DOCK5: variants seen among roughly 807,000 people sequenced by gnomAD.
DOCK5 encodes dedicator of cytokinesis 5, also known as dedicator of cytokinesis protein 5.
In DOCK5, 142 loss-of-function variants were observed where a neutral mutation model predicts 251.8. The observed-to-expected ratio is 0.56, with a 90% CI of 0.49 to 0.65. DOCK5 has a LOEUF of 0.65. DOCK5 is among the 30% of genes least tolerant of loss of function. The pLI is 0.00. For missense variants in DOCK5, 2,111 were observed against 2,312.3 expected, an observed-to-expected ratio of 0.91 and a Z score of 1.79; for synonymous variants, 842 against 835.5, an observed-to-expected ratio of 1.01 and a Z score of -0.13.
At position 25,271,165 on chromosome 8, in the gene DOCK5, T is replaced by TG. The variant is rs869273953; in HGVS notation, c.168+2280_168+2281insG. On this transcript the variant is annotated intron_variant, in intron 3 of 51. Coordinates refer to ENST00000276440, the MANE Select transcript of DOCK5 (RefSeq NM_024940.8). ...CAGGATCTAAATGATAAATTCTGGA[T>TG]TTTTTTTAAATTTTTTTGTGTTCAT... 4.1e-5 allele frequency: 4 copies of TG among 97,498 alleles called. No homozygotes were observed. In the Admixed American group the frequency reaches 6.9e-4, roughly 17 times the overall value. The allele number at this position is 97,498 out of a possible 1,614,324, so 6.0% of individuals were successfully genotyped here. A position where few individuals can be genotyped will look rare whatever the true frequency, so the allele number is the denominator to read the frequency against.
chr8:25,246,704 T>TTGTGTGTGTGTGTG (rs55963570), intron 2 of DOCK5, among the ~76,000 whole-genome samples: 32 of 89,602 alleles, frequency 3.6e-4, no homozygotes, highest in African/African-American at 1.1e-3. Context: ...CCATGTTAGT[T>TTGTGTGTGTGTGTG]TGTGTGTGTG....
intron 21 of DOCK5, among the ~76,000 whole-genome samples, chr8:25,334,398 T>G (rs2117220961): frequency 6.6e-6 from 1 of 152,320 alleles, no homozygotes; most frequent in South Asian, 2.1e-4. Context: ...ATCAGGGCCT[T>G]CATTCTGGAT....
chr8:25,293,643 T>G (rs1398593651), intron 6 of DOCK5, among the ~76,000 whole-genome samples: 1 of 152,156 alleles, frequency 6.6e-6, no homozygotes, highest in East Asian at 1.9e-4. Flanking sequence ...CCCTATTACT[T>G]GACCACCCAG....
chr8:25,188,479 G>T (rs955282592), intron 1 of DOCK5, among the ~76,000 whole-genome samples: 6 of 152,192 alleles, frequency 3.9e-5, no homozygotes, highest in African/African-American at 1.4e-4. Flanking sequence ...TCTGTGTGAG[G>T]ATAGAGCTTT....
rs1366375900 is a variant in DOCK5, at chr8:25,403,736, A to G, written c.5093+12A>G. 1.2e-6 allele frequency: 2 copies of G among 1,613,220 alleles called. No individual in the cohort carries two copies. The stretch of plus-strand genomic sequence containing the variant: ...CCGGGATCTGATGGGTAAGGGTTTC[A>G]TCTTTAATCTGCAGGAAGGGTGGGG... On this transcript the variant is annotated intron_variant, in intron 48 of 51. Coordinates refer to ENST00000276440, the MANE Select transcript of DOCK5 (RefSeq NM_024940.8).
intron 26 of DOCK5, among the ~76,000 whole-genome samples, chr8:25,350,832 C>T (rs1371428652): frequency 2.0e-5 from 3 of 152,146 alleles, no homozygotes; most frequent in Non-Finnish European, 2.9e-5. Context: ...CCTCATCTAA[C>T]CTTCATTACA....
chr8:25,370,599 G>C (rs1435368890), intron 34 of DOCK5, among the ~76,000 whole-genome samples: 1 of 151,900 alleles, frequency 6.6e-6, no homozygotes, highest in East Asian at 1.9e-4. Flanking sequence ...TGAACTCCTG[G>C]GCTCAAGCAG....
chr8:25,319,259 C>G (rs1178549336), intron 14 of DOCK5, among the ~76,000 whole-genome samples: 3 of 152,120 alleles, frequency 2.0e-5, no homozygotes, highest in Non-Finnish European at 4.4e-5. Flanking sequence ...CGTCATGTTC[C>G]CTGAGAGAGA....
At chr8:25,384,459 A>AT (rs1208387306) in intron 40 of DOCK5, among the ~76,000 whole-genome samples, 8,510 of 64,746 alleles carry the variant, frequency 0.13, 436 homozygotes, top group East Asian at 0.23. Flanking sequence ...TTATTTATTT[A>AT]TTTATTTTTT....
At chr8:25,268,222 C>A (rs1412078751) in intron 2 of DOCK5, among the ~76,000 whole-genome samples, 1 of 150,952 alleles carries the variant, frequency 6.6e-6, no homozygotes, top group Non-Finnish European at 1.5e-5. Flanking sequence ...CGCATAAGAT[C>A]TTTTTATGGG....
At chr8:25,269,883 C>T (rs999132237) in intron 3 of DOCK5, among the ~76,000 whole-genome samples, 9 of 152,188 alleles carry the variant, frequency 5.9e-5, no homozygotes, top group Admixed American at 3.3e-4. Flanking sequence ...TTACACTTCA[C>T]GGACAGCATG....
At chr8:25,269,784 T>G (rs1215750714) in intron 3 of DOCK5, among the ~76,000 whole-genome samples, 1 of 152,334 alleles carries the variant, frequency 6.6e-6, no homozygotes, top group East Asian at 1.9e-4. Flanking sequence ...TTAGTTCACA[T>G]GCCAAATAGC....
chr8:25,275,515 A>G (rs1203772276), intron 4 of DOCK5, 74 bp downstream of exon 4: 1 of 1,428,236 alleles, frequency 7.0e-7, no homozygotes, highest in African/African-American at 1.4e-5. Flanking sequence ...ATCTTTAGGC[A>G]TTAATGCCTT....
intron 1 of DOCK5, among the ~76,000 whole-genome samples, chr8:25,231,637 A>G (rs1046128185): frequency 1.1e-4 from 16 of 152,346 alleles, no homozygotes; most frequent in African/African-American, 3.8e-4. Context: ...GCTCATAAAC[A>G]CAATTTTATA....
chr8:25,293,651 C>T (rs971070041), intron 6 of DOCK5, among the ~76,000 whole-genome samples: 5 of 152,108 alleles, frequency 3.3e-5, no homozygotes, highest in Non-Finnish European at 5.9e-5. Flanking sequence ...CTTGACCACC[C>T]AGAAGACCAT....
chr8:25,344,046 G>T (rs1184051835), intron 25 of DOCK5, among the ~76,000 whole-genome samples: 1 of 152,178 alleles, frequency 6.6e-6, no homozygotes, highest in Non-Finnish European at 1.5e-5. Flanking sequence ...GACCTCAGGT[G>T]ATCCACCCAC....
intron 39 of DOCK5, 40 bp from the exon 40 acceptor site, chr8:25,382,634 C>T (rs371797610): frequency 5.7e-5 from 86 of 1,506,016 alleles, no homozygotes; most frequent in African/African-American, 8.3e-5. Flanking sequence ...CAACTGTGTA[C>T]TTATAACCTC....
At chr8:25,344,472 G>A (rs991108031) in intron 25 of DOCK5, among the ~76,000 whole-genome samples, 1 of 152,186 alleles carries the variant, frequency 6.6e-6, no homozygotes, top group Non-Finnish European at 1.5e-5. Flanking sequence ...GTGGATTGTT[G>A]GTGGGAGAGC....
chr8:25,366,288 T>C (rs1800772764), intron 30 of DOCK5, among the ~76,000 whole-genome samples: 1 of 152,148 alleles, frequency 6.6e-6, no homozygotes, highest in Non-Finnish European at 1.5e-5. Context: ...GTCAGGAGTT[T>C]AAGACCAGCC....
Sources: gnomAD v4.1 joint callset for allele counts (sites outside exome capture counted in the v4.1 genomes callset) on GRCh38, gnomAD v4.1.1 for gene constraint, MANE v1.5 for transcripts, NCBI Gene and HGNC (gene_info 2026-07-23, HGNC 2026-07-21) for gene names.